The following MYO15B variants were observed in gnomAD, a reference collection of about 807,000 sequenced individuals.
MYO15B encodes the protein myosin XVB pseudogene.
In MYO15B, 207 loss-of-function variants were observed where a neutral mutation model predicts 119.3. The observed-to-expected ratio is 1.73, with a 90% confidence interval of 1.55 to 1.95. The LOEUF is 1.95. MYO15B is among the 30% of genes most tolerant of loss of function. The pLI, the probability that MYO15B is intolerant of heterozygous loss-of-function variation, is 0.00. For synonymous variants in MYO15B, 966 were observed against 498.9 expected (o/e 1.94, Z -12.48); for missense variants, 2,264 against 1,203.1 (o/e 1.88, Z -13.04).
intron 21 of MYO15B, chr17:75,606,852 C>T (rs2147914139): frequency 2.5e-6 from 1 of 397,124 alleles, no homozygotes; most frequent in East Asian, 3.6e-5. Context: ...AGACTTTTAC[C>T]CTGCAGTGAC....
At chr17:75,611,632 T>C (rs1381030752) in exon 24 of MYO15B, 3 of 702,804 alleles carry the variant, frequency 4.3e-6, no homozygotes, top group East Asian at 2.7e-5. Context: ...CCGGCTGAGC[T>C]GGCCGTCATG....
At chr17:75,611,578 G>C (rs1281564243) in intron 23 of MYO15B, 23 bp from the exon 24 acceptor site, 1 of 702,690 alleles carries the variant, frequency 1.4e-6, no homozygotes, top group Non-Finnish European at 2.6e-6. Context: ...GTGGATCCTG[G>C]GTAAATGAGT....
intron 15 of MYO15B, 26 bp downstream of exon 15, chr17:75,601,589 G>A: frequency 7.1e-6 from 5 of 700,576 alleles, no homozygotes; most frequent in Non-Finnish European, 1.0e-5. Context: ...GACAGACCAG[G>A]GTGAATCAGC....
At chr17:75,606,021 G>A in exon 21 of MYO15B, 3 of 689,724 alleles carry the variant, frequency 4.3e-6, no homozygotes, top group Non-Finnish European at 8.0e-6. Context: ...TTCCAGGCCA[G>A]GTCTGCAGGC....
chr17:75,596,361 G>C, intron 12 of MYO15B, 99 bp from the exon 13 acceptor site: 1 of 668,082 alleles, frequency 1.5e-6, no homozygotes, highest in Non-Finnish European at 2.7e-6. Context: ...TCAGCCCTGG[G>C]TATTACTCAT....
exon 56 of MYO15B, chr17:75,624,210 A>G (rs2058880520): frequency 2.8e-6 from 2 of 702,910 alleles, no homozygotes; most frequent in South Asian, 1.5e-5. Context: ...CCTCCAGCGC[A>G]CAGTCAAATA....
At chr17:75,621,859 G>A (rs766056469) in intron 52 of MYO15B, 145 bp from the exon 53 acceptor site, 51 of 623,872 alleles carry the variant, frequency 8.2e-5, no homozygotes, top group Non-Finnish European at 1.3e-4. Flanking sequence ...GAGTCGAGCT[G>A]CAACCAGCTG....
chr17:75,598,274 AG>A (rs749238131), intron 14 of MYO15B, among the ~76,000 whole-genome samples: 51 of 120,780 alleles, frequency 4.2e-4, no homozygotes, highest in African/African-American at 1.1e-3. Context: ...CTCAAAAAAA[AG>A]AAAAGAAAAG....
exon 27 of MYO15B, chr17:75,612,988 G>A (rs1568182033): frequency 2.9e-6 from 2 of 692,156 alleles, no homozygotes; most frequent in South Asian, 1.5e-5. Flanking sequence ...TGCGGCTCCT[G>A]GGGGACGGAT....
At position 75,589,294 on chromosome 17, in the gene MYO15B, GAGGGGCGGGGTCATGGGAGAGGAAGCA is replaced by G; in HGVS notation, c.1248_1274del (p.His417_Gly425del). The stretch of plus-strand genomic sequence containing the variant: ...GGGGTGGGGCCGCCGGAAACCGGAC[GAGGGGCGGGGTCATGGGAGAGGAAGCA>G]AGGGGCGGGGCCGCGGGAAAGCGGA... On this transcript the variant is annotated inframe_deletion, in exon 1 of 64. Coordinates refer to ENST00000645453, the Ensembl canonical transcript of MYO15B. This position sits in a 1 kb window ranked among gnomAD's most constrained non-coding sequence, Gnocchi z 4.2. 1 of 394,132 alleles carries G rather than the reference GAGGGGCGGGGTCATGGGAGAGGAAGCA, an allele frequency of 2.5e-6. No homozygotes were observed. 24.4% of individuals were successfully genotyped at this position (394,132 alleles called of 1,614,324 possible).
intron 17 of MYO15B, 35 bp from the exon 18 acceptor site, chr17:75,602,997 G>A (rs1445223167): frequency 1.4e-6 from 1 of 702,758 alleles, no homozygotes; most frequent in Non-Finnish European, 2.6e-6. Context: ...TGGGGCTCCA[G>A]TCTGTGCCCG....
At chr17:75,622,488 G>A (rs774717328) in intron 53 of MYO15B, among the ~76,000 whole-genome samples, 1 of 152,232 alleles carries the variant, frequency 6.6e-6, no homozygotes, top group African/African-American at 2.4e-5. Context: ...CAGGGAGAAC[G>A]GAGGATGAGG....
intron 6 of MYO15B, 39 bp from the exon 7 acceptor site, chr17:75,592,199 T>C: frequency 4.3e-6 from 3 of 702,248 alleles, no homozygotes; most frequent in Non-Finnish European, 7.8e-6. Flanking sequence ...CTGGGTGTTC[T>C]GCATCCTGGG....
chr17:75,621,071 C>A lies in MYO15B; in HGVS notation c.7766C>A (p.Ser2589Ter), dbSNP rs973248183. 1.1e-5 allele frequency: 8 copies of A among 702,730 alleles called. No homozygotes were observed. Among genetic ancestry groups the A allele is most frequent in the Non-Finnish European group, 1.8e-5 (7 of 385,020 alleles). 43.5% of individuals were successfully genotyped at this position (702,730 alleles called of 1,614,324 possible). The change falls in exon 50 of 64, where the codon TCG (serine) becomes TAG (stop). Residue 2589 changes from serine (S) to a stop codon, truncating the protein, a stop_gained. Transcript: ENST00000645453. LOFTEE classifies it high-confidence loss of function. ...TGGAGCCAGGCACACAGTGACGACT[C>A]GGAGGCCACCAGCCTGTCCTCTGTG... is the stretch of plus-strand genomic sequence containing the variant.
exon 11 of MYO15B, chr17:75,594,723 CGCGATCCCT>C: frequency 7.1e-6 from 5 of 703,070 alleles, no homozygotes; most frequent in Non-Finnish European, 1.3e-5. Context: ...GGCCAGGTCT[CGCGATCCCT>C]GCCCGTGGAA....
In MYO15B at chr17:75,616,862, T is replaced by C; in HGVS notation, c.6507-12T>C. The C allele has an allele frequency of 2.8e-6, 2 of 703,058 alleles. No individual in the cohort carries two copies. Among genetic ancestry groups the C allele is most frequent in the Non-Finnish European group, 5.2e-6 (2 of 385,018 alleles). 43.6% of individuals were successfully genotyped at this position (703,058 alleles called of 1,614,324 possible). Reference sequence around the variant, plus strand: ...CCCTATGAACTTAGTGACCTCTTGCTTCTCCCACGAGGCCTCCCAAAGCTT... The same window carrying C: ...CCCTATGAACTTAGTGACCTCTTGCCTCTCCCACGAGGCCTCCCAAAGCTT... On this transcript the variant is annotated splice_polypyrimidine_tract_variant and intron_variant, in intron 39 of 63. Transcript: ENST00000645453.
chr17:75,596,947 AGGCCCT>A, intron 14 of MYO15B, 48 bp downstream of exon 14: 1 of 653,836 alleles, frequency 1.5e-6, no homozygotes, highest in East Asian at 2.7e-5. Flanking sequence ...GAAGGAGTGG[AGGCCCT>A]GGGTGTCCAG....
chr17:75,590,949 T>C (rs1297907979), exon 3 of MYO15B: 6 of 554,750 alleles, frequency 1.1e-5, no homozygotes, highest in Non-Finnish European at 2.0e-5. Flanking sequence ...CCCCCACCGG[T>C]CCTTGCCTCT....
intron 14 of MYO15B, among the ~76,000 whole-genome samples, chr17:75,597,747 C>G (rs2056961794): frequency 6.6e-6 from 1 of 152,046 alleles, no homozygotes; most frequent in Non-Finnish European, 1.5e-5. Context: ...AAAACCCTGT[C>G]TCTACAGAAA....
Sources: gnomAD v4.1 joint callset for allele counts (sites outside exome capture counted in the v4.1 genomes callset) on GRCh38, gnomAD v4.1.1 for gene constraint, Gnocchi (gnomAD v3.1) non-coding constraint, MANE v1.5 for transcripts, NCBI Gene and HGNC (gene_info 2026-07-23, HGNC 2026-07-21) for gene names.